FLRT1: variants seen among roughly 807,000 people sequenced by gnomAD.
FLRT1 encodes leucine-rich repeat transmembrane protein FLRT1.
In FLRT1, 14 loss-of-function variants were observed where a neutral mutation model predicts 30.9. The observed-to-expected ratio is 0.45, with a 90% CI of 0.30 to 0.71. FLRT1 has a LOEUF of 0.71. FLRT1 is among the 30% of genes least tolerant of loss of function. The pLI is 0.08. For synonymous variants in FLRT1, 368 were observed against 430.4 expected (o/e 0.85, Z 1.80); for missense variants, 737 against 949.2 (o/e 0.78, Z 2.94).
rs1158547113 is a variant in FLRT1 at position 64,090,503 on chromosome 11, A to G, written c.-1037-12691A>G. Among the ~76,000 whole-genome samples, 1 of 152,034 alleles carries G rather than the reference A, an allele frequency of 6.6e-6. No individual in the cohort carries two copies. Among genetic ancestry groups the G allele is most frequent in the Non-Finnish European group, 1.5e-5 (1 of 67,984 alleles). ...GAGGAGGAGGAGGCCAAATAACCAC[A>G]TTTGCTTCCCCGGGCCCTCCCTCGA... On this transcript the variant is annotated intron_variant, in intron 1 of 2. Coordinates refer to ENST00000682287, the MANE Select transcript of FLRT1 (RefSeq NM_013280.5). The surrounding 1 kb of genome is among the most constrained non-coding windows in gnomAD (Gnocchi z 4.7).
chr11:64,104,496 G>A (rs890499979), intron 2 of FLRT1, among the ~76,000 whole-genome samples: 1 of 152,162 alleles, frequency 6.6e-6, no homozygotes, highest in African/African-American at 2.4e-5. Context: ...CCTGCAGCAG[G>A]GTGGAGGAAT....
Position 64,054,999 on chromosome 11 carries a change from T to C in FLRT1, c.-1038+18840T>C, listed in dbSNP as rs192240923. ...CAGCCCTTTCCTACCGCCACTACCATCCAGACTCTGCCAGTCTTCTCCTTT... is the reference window on the plus strand; with the variant it reads ...CAGCCCTTTCCTACCGCCACTACCACCCAGACTCTGCCAGTCTTCTCCTTT... On this transcript the variant is annotated intron_variant, in intron 1 of 2. Coordinates refer to ENST00000682287, the MANE Select transcript of FLRT1 (RefSeq NM_013280.5). Among the ~76,000 whole-genome samples the C allele has an allele frequency of 1.3e-3, 195 of 152,194 alleles. 2 individuals carry two copies. Among genetic ancestry groups the C allele is most frequent in the Non-Finnish European group, 1.1e-3 (78 of 67,998 alleles).
chr11:64,042,409 G>T (rs1390294790), intron 1 of FLRT1, among the ~76,000 whole-genome samples: 1 of 152,196 alleles, frequency 6.6e-6, no homozygotes, highest in Non-Finnish European at 1.5e-5. Flanking sequence ...CCTCTCTGGG[G>T]AATGGGGGGG....
rs1261778776 is a variant in FLRT1 at position 64,082,100 on chromosome 11, G to C, written c.-1037-21094G>C. The stretch of plus-strand genomic sequence containing the variant: ...AGGGGCCGTGGCGAGAACAGATGGG[G>C]CTGTGCCCATCTCCCCAGGCCCTCC... On this transcript the variant is annotated intron_variant, in intron 1 of 2. Transcript: ENST00000682287. The surrounding 1 kb of genome is among the most constrained non-coding windows in gnomAD (Gnocchi z 4.5). 1 of 152,212 alleles carries C rather than the reference G, an allele frequency of 6.6e-6. No individual in the cohort carries two copies. Among genetic ancestry groups the C allele is most frequent in the Non-Finnish European group, 1.5e-5 (1 of 68,086 alleles). The allele number at this position is 152,212 out of a possible 1,614,324, so 9.4% of individuals were successfully genotyped here.
Position 64,103,842 on chromosome 11 carries a change from A to C in FLRT1, c.-389A>C, listed in dbSNP as rs1006203132. 1 of 152,102 alleles carries C rather than the reference A, an allele frequency of 6.6e-6. No individual in the cohort carries two copies. Among genetic ancestry groups the C allele is most frequent in the Non-Finnish European group, 1.5e-5 (1 of 67,986 alleles). The allele number at this position is 152,102 out of a possible 1,614,324, so 9.4% of individuals were successfully genotyped here. On this transcript the variant is annotated 5_prime_UTR_variant, in exon 2 of 3. Transcript: ENST00000682287. Reference sequence around the variant, plus strand: ...TGTCCCTGTACCCCTTGCACACAGGACCCTCACTCTGCAGGGATAAGCCAG... The same window carrying C: ...TGTCCCTGTACCCCTTGCACACAGGCCCCTCACTCTGCAGGGATAAGCCAG...
intron 1 of FLRT1, among the ~76,000 whole-genome samples, chr11:64,046,023 C>T (rs1329557485): frequency 6.6e-6 from 1 of 152,202 alleles, no homozygotes; most frequent in Non-Finnish European, 1.5e-5. Context: ...CTCATTTAAT[C>T]CCCATAAGTG....
chr11:64,117,556 T>C lies in FLRT1; in HGVS notation c.1289T>C (p.Met430Thr), dbSNP rs1945012448. The change falls in exon 3 of 3, where the codon ATG (methionine) becomes ACG (threonine). Residue 430 changes from methionine to threonine, a missense_variant. Met to Thr is a moderately conservative substitution (Grantham distance 81). Coordinates refer to ENST00000682287, the MANE Select transcript of FLRT1 (RefSeq NM_013280.5). ...CCCGACTCCAACATTGACTACCCCA[T>C]GGCCACGGGTGATGGCGCCAAGACC... Reference protein sequence around the residue: ...RLPDSNIDYPMATGDGAKTLA... With the variant: ...RLPDSNIDYPTATGDGAKTLA... 1.2e-6 allele frequency: 2 copies of C among 1,605,818 alleles called. No homozygotes were observed. The highest frequency in any genetic ancestry group is 1.7e-6 in the Non-Finnish European group (2 of 1,174,668).
chr11:64,088,441 G>A (rs1944433442), intron 1 of FLRT1, among the ~76,000 whole-genome samples: 1 of 152,214 alleles, frequency 6.6e-6, no homozygotes, highest in Non-Finnish European at 1.5e-5. Context: ...AGCCCTGCAG[G>A]TGCGGCTGTG....
chr11:64,116,247 G>T lies in FLRT1; in HGVS notation c.-21G>T, dbSNP rs368412412. ...TTCAGGCTCCAGGCCAGGTGGGGCC[G>T]GACGCCCCCAGCCATCCACCATGGT... On this transcript the variant is annotated 5_prime_UTR_variant, in exon 3 of 3. Transcript: ENST00000682287. 1 of 1,582,704 alleles carries T rather than the reference G, an allele frequency of 6.3e-7. No individual in the cohort carries two copies. Among genetic ancestry groups the T allele is most frequent in the Admixed American group, 1.7e-5 (1 of 58,922 alleles).
chr11:64,088,648 T>C (rs990258809), intron 1 of FLRT1, among the ~76,000 whole-genome samples: 1 of 152,162 alleles, frequency 6.6e-6, no homozygotes, highest in South Asian at 2.1e-4. Flanking sequence ...GCCACCCTTA[T>C]TGGTTGTGTG....
chr11:64,078,945 G>C (rs1944254145), intron 1 of FLRT1, among the ~76,000 whole-genome samples: 1 of 152,194 alleles, frequency 6.6e-6, no homozygotes, highest in Non-Finnish European at 1.5e-5. Context: ...GGTTAAGGGT[G>C]GTGAATGGCG....
intron 1 of FLRT1, among the ~76,000 whole-genome samples, chr11:64,049,077 T>C (rs1943641579): frequency 6.6e-6 from 1 of 151,802 alleles, no homozygotes. Flanking sequence ...GGGTGGGGCC[T>C]TTGCCTGCAC....
chr11:64,088,002 G>A (rs1346180142), intron 1 of FLRT1, among the ~76,000 whole-genome samples: 1 of 152,182 alleles, frequency 6.6e-6, no homozygotes, highest in Admixed American at 6.5e-5. Context: ...GAGAGGGGCT[G>A]TGGTGTGGAA....
In FLRT1 at chr11:64,117,979, G is replaced by T. The variant is rs143309484; in HGVS notation, c.1712G>T (p.Gly571Val). 2,143 of 1,613,662 alleles carry T rather than the reference G, an allele frequency of 1.3e-3. 3 individuals are homozygous for T. Among genetic ancestry groups the T allele is most frequent in the Non-Finnish European group, 1.7e-3 (2,014 of 1,180,016 alleles). ...VALVFLFLVL[G>V]AICWYVHQAG... ...CTGGTCTTCCTCTTCCTGGTCCTGG[G>T]GGCCATCTGCTGGTACGTGCACCAG... Residue 571 changes from glycine to valine, a missense_variant, in exon 3 of 3, where the codon GGG becomes GTG. Physicochemically the swap from Gly to Val is moderately radical, Grantham distance 109 (BLOSUM62 -3). Transcript: ENST00000682287.
chr11:64,074,658 C>T (rs1944169841), intron 1 of FLRT1, among the ~76,000 whole-genome samples: 1 of 152,216 alleles, frequency 6.6e-6, no homozygotes, highest in Admixed American at 6.5e-5. Context: ...ACAGCATGTC[C>T]AAGTAGTGGG....
intron 1 of FLRT1, among the ~76,000 whole-genome samples, chr11:64,049,910 G>A (rs764800775): frequency 1.2e-4 from 18 of 152,216 alleles, no homozygotes; most frequent in Non-Finnish European, 2.6e-4. Flanking sequence ...AGACCAAGAC[G>A]CTGTGGCCCC....
At chr11:64,097,071 C>G (rs1170485144) in intron 1 of FLRT1, among the ~76,000 whole-genome samples, 1 of 152,270 alleles carries the variant, frequency 6.6e-6, no homozygotes. Context: ...CTCCCTGCTG[C>G]CCGGGGATGG....
rs565009290 is a variant in FLRT1, at chr11:64,101,442, G to A, written c.-1037-1752G>A. ...GAGCTCAGTGGTTTCTCTCTTTATC[G>A]GGAGGCAGCGGCCACAGCTGACTGG... On this transcript the variant is annotated intron_variant, in intron 1 of 2. Coordinates refer to ENST00000682287, the MANE Select transcript of FLRT1 (RefSeq NM_013280.5). Among the ~76,000 whole-genome samples the A allele has an allele frequency of 3.9e-4, 60 of 152,152 alleles. No homozygotes were observed. The East Asian group carries it at 9.5e-3, about 24-fold the overall frequency.
chr11:64,076,669 A>G (rs1430180893), intron 1 of FLRT1, among the ~76,000 whole-genome samples: 1 of 152,214 alleles, frequency 6.6e-6, no homozygotes, highest in African/African-American at 2.4e-5. Flanking sequence ...GAAATCGCCT[A>G]AGAACACACA....
Sources: gnomAD v4.1 joint callset for allele counts (sites outside exome capture counted in the v4.1 genomes callset) on GRCh38, gnomAD v4.1.1 for gene constraint, Gnocchi (gnomAD v3.1) non-coding constraint, MANE v1.5 for transcripts, NCBI Gene and HGNC (gene_info 2026-07-23, HGNC 2026-07-21) for gene names.